The following MALRD1 variants were observed in gnomAD, a reference collection of about 807,000 sequenced individuals.
The protein encoded by MALRD1 is MAM and LDL-receptor class A domain-containing protein 1.
A neutral mutation model predicts 242.1 loss-of-function variants in MALRD1; 247 were observed. The observed-to-expected ratio is 1.02, with a 90% CI of 0.92 to 1.13. MALRD1 has a LOEUF of 1.13. Among genes scored for constraint, MALRD1 ranks in the 50% most tolerant of loss-of-function variants. The probability of loss-of-function intolerance (pLI) is 0.00; values close to 1 mark genes in which losing one functional copy is unlikely to be tolerated. For synonymous variants in MALRD1, 995 were observed against 866.6 expected, an observed-to-expected ratio of 1.15 and a Z score of -2.60; for missense variants, 2,989 against 2,533.1, an observed-to-expected ratio of 1.18 and a Z score of -3.86.
At chr10:19,596,182 A>G (rs1465748025) in intron 34 of MALRD1, among the ~76,000 whole-genome samples, 1 of 152,198 alleles carries the variant, frequency 6.6e-6, no homozygotes, top group Non-Finnish European at 1.5e-5. Context: ...CAGGTAGGGA[A>G]GGAAAAATGT....
At chr10:19,246,755 C>G (rs1003240715) in intron 18 of MALRD1, among the ~76,000 whole-genome samples, 2 of 152,026 alleles carry the variant, frequency 1.3e-5, no homozygotes, top group Non-Finnish European at 2.9e-5. Context: ...ATAAGTAATT[C>G]CCAGTTTTCA....
intron 29 of MALRD1, among the ~76,000 whole-genome samples, chr10:19,462,361 C>T (rs971907416): frequency 1.3e-5 from 2 of 152,186 alleles, no homozygotes; most frequent in Non-Finnish European, 2.9e-5. Context: ...TGAAATTATT[C>T]AAACTAGCCA....
chr10:19,670,109 CAT>C (rs1340881972), intron 36 of MALRD1, among the ~76,000 whole-genome samples: 3 of 152,032 alleles, frequency 2.0e-5, no homozygotes. Context: ...CACACACACA[CAT>C]AGTTATAACC....
At chr10:19,087,631 T>A (rs1011300833) in intron 2 of MALRD1, among the ~76,000 whole-genome samples, 1 of 151,910 alleles carries the variant, frequency 6.6e-6, no homozygotes, top group East Asian at 1.9e-4. Context: ...AGGTATCCAA[T>A]GCGTAATAAT....
intron 28 of MALRD1, among the ~76,000 whole-genome samples, chr10:19,407,117 A>G (rs1196956427): frequency 6.6e-6 from 1 of 152,090 alleles, no homozygotes; most frequent in East Asian, 1.9e-4. Context: ...GCATGGATCA[A>G]ATCCCAAGAT....
intron 14 of MALRD1, among the ~76,000 whole-genome samples, chr10:19,192,045 A>T (rs1482562592): frequency 6.6e-6 from 1 of 152,130 alleles, no homozygotes; most frequent in Non-Finnish European, 1.5e-5. Flanking sequence ...TAAAAAAAAA[A>T]CTTGAGGACA....
intron 38 of MALRD1, among the ~76,000 whole-genome samples, chr10:19,693,291 G>C (rs1833196448): frequency 6.6e-6 from 1 of 151,702 alleles, no homozygotes; most frequent in African/African-American, 2.4e-5. Flanking sequence ...AATTGTCCCT[G>C]TTTGCAGACG....
At chr10:19,125,093 G>A (rs7476171) in intron 7 of MALRD1, among the ~76,000 whole-genome samples, 5 of 150,984 alleles carry the variant, frequency 3.3e-5, no homozygotes, top group Admixed American at 1.3e-4. Flanking sequence ...CTACAGGCAC[G>A]TGCTACCATG....
At position 19,684,455 on chromosome 10, in the gene MALRD1, A is replaced by G. The variant is rs746705; in HGVS notation, c.6138-7827A>G. On this transcript the variant is annotated intron_variant, in intron 36 of 39. Coordinates refer to ENST00000454679, the MANE Select transcript of MALRD1 (RefSeq NM_001142308.3). ...TTCAACATGATAGACATGAGTTGCT[A>G]CAAAAAATACCTGCTAATGGCTGGG... 6.7e-3 allele frequency among the ~76,000 whole-genome samples: 1,026 copies of G among 152,272 alleles called. 10 individuals carry two copies. The highest frequency in any genetic ancestry group is 0.022 in the African/African-American group (925 of 41,550).
Position 19,595,343 on chromosome 10 carries a change from C to T in MALRD1, c.5830C>T (p.Pro1944Ser), listed in dbSNP as rs764305886. ...AATGGATTGTCCTCTCAGCCCCACC[C>T]CTCCACTCTGTAGTAACATGGAGTT... is the stretch of plus-strand genomic sequence containing the variant. The part of the protein sequence containing the change: ...DEMDCPLSPT[P>S]PLCSNMEFPC... The change falls in exon 34 of 40, where the codon CCT becomes TCT. Residue 1944 changes from proline to serine, a missense_variant. Transcript: ENST00000454679. 5.2e-6 allele frequency: 8 copies of T among 1,550,648 alleles called. No individual in the cohort carries two copies. The South Asian group carries it at 8.3e-5, about 16-fold the overall frequency.
At chr10:19,535,498 C>T (rs192585024) in intron 32 of MALRD1, among the ~76,000 whole-genome samples, 3 of 147,802 alleles carry the variant, frequency 2.0e-5, no homozygotes, top group African/African-American at 5.0e-5. Flanking sequence ...TACATATACA[C>T]ATATATATAC....
At chr10:19,205,380 A>T in intron 17 of MALRD1, 115 bp downstream of exon 17, 1 of 1,239,898 alleles carries the variant, frequency 8.1e-7, no homozygotes, top group Non-Finnish European at 1.1e-6. Context: ...TCCAAAGCTG[A>T]TGAATGTTAT....
rs4573593 is a variant in MALRD1 at position 19,410,942 on chromosome 10, T to A, written c.4845+21333T>A. ...CATCTTGATAAGCTATATGACCATGTGGATTTTTTCCATTTTATTCACTCT... is the reference window on the plus strand; with the variant it reads ...CATCTTGATAAGCTATATGACCATGAGGATTTTTTCCATTTTATTCACTCT... On this transcript the variant is annotated intron_variant, in intron 28 of 39. Coordinates refer to ENST00000454679, the MANE Select transcript of MALRD1 (RefSeq NM_001142308.3). 4.1e-3 allele frequency among the ~76,000 whole-genome samples: 626 copies of A among 152,038 alleles called. 4 individuals carry two copies. The highest frequency in any genetic ancestry group is 6.0e-3 in the Non-Finnish European group (411 of 67,962).
At chr10:19,145,477 C>T (rs1191622644) in intron 10 of MALRD1, among the ~76,000 whole-genome samples, 1 of 151,834 alleles carries the variant, frequency 6.6e-6, no homozygotes, top group Non-Finnish European at 1.5e-5. Context: ...AACACTGTCT[C>T]TCCTAAAAAT....
intron 29 of MALRD1, among the ~76,000 whole-genome samples, chr10:19,461,846 C>T (rs1191854149): frequency 6.6e-6 from 1 of 152,112 alleles, no homozygotes; most frequent in Non-Finnish European, 1.5e-5. Context: ...TGTTTCAGCT[C>T]ATCTATTTAA....
At chr10:19,462,004 C>T (rs1589117131) in intron 29 of MALRD1, among the ~76,000 whole-genome samples, 1 of 152,054 alleles carries the variant, frequency 6.6e-6, no homozygotes, top group African/African-American at 2.4e-5. Flanking sequence ...AAATGGTCAC[C>T]CTCAGACTAG....
chr10:19,517,811 C>T (rs1214628038), intron 31 of MALRD1, among the ~76,000 whole-genome samples: 1 of 152,222 alleles, frequency 6.6e-6, no homozygotes, highest in African/African-American at 2.4e-5. Context: ...ACAGCCTTCA[C>T]TTGTTGCAAG....
intron 26 of MALRD1, among the ~76,000 whole-genome samples, chr10:19,363,517 T>A (rs1430991251): frequency 6.6e-6 from 1 of 152,162 alleles, no homozygotes; most frequent in East Asian, 1.9e-4. Context: ...GTGAATTTTA[T>A]GAGAGCAATT....
At chr10:19,445,395 T>C (rs977623024) in intron 28 of MALRD1, among the ~76,000 whole-genome samples, 4 of 152,326 alleles carry the variant, frequency 2.6e-5, no homozygotes, top group African/African-American at 9.6e-5. Context: ...GACACTCTGA[T>C]TTTTAGAATT....
Sources: allele counts gnomAD v4.1 joint callset (sites outside exome capture counted in the v4.1 genomes callset), GRCh38; gene constraint gnomAD v4.1.1; transcripts MANE v1.5; gene names NCBI Gene and HGNC (gene_info 2026-07-23, HGNC 2026-07-21).